The following EFCC1 variants were observed in gnomAD, a reference collection of about 807,000 sequenced individuals.
The protein encoded by EFCC1 is EF-hand and coiled-coil domain containing 1.
In EFCC1, 50 loss-of-function variants were observed where a neutral mutation model predicts 52.1. That is an observed-to-expected ratio of 0.96 (90% CI 0.76 to 1.21). The LOEUF (loss-of-function observed/expected upper bound fraction) is 1.21. Among genes scored for constraint, EFCC1 ranks in the 50% most tolerant of loss-of-function variants. The pLI, the probability that EFCC1 is intolerant of heterozygous loss-of-function variation, is 0.00. For missense variants in EFCC1, 837 were observed against 867.3 expected (o/e 0.97, Z 0.44); for synonymous variants, 399 against 396.5 (o/e 1.01, Z -0.08).
chr3:129,035,535 C>T (rs974635068), intron 5 of EFCC1, among the ~76,000 whole-genome samples: 2 of 152,194 alleles, frequency 1.3e-5, no homozygotes, highest in Non-Finnish European at 2.9e-5. Flanking sequence ...GGCCCTGGAG[C>T]GCTGCAGTAG....
intron 3 of EFCC1, among the ~76,000 whole-genome samples, chr3:129,031,404 G>A (rs545893992): frequency 6.6e-6 from 1 of 152,288 alleles, no homozygotes; most frequent in East Asian, 1.9e-4. Context: ...TTGTGCCAGT[G>A]CACTCCAGCC....
rs1945499281 is a variant in EFCC1 at position 129,014,815 on chromosome 3, A to G, written c.980+10738A>G. On this transcript the variant is annotated intron_variant, in intron 2 of 7. Transcript: ENST00000683648. This position sits in a 1 kb window ranked among gnomAD's most constrained non-coding sequence, Gnocchi z 4.3. The stretch of plus-strand genomic sequence containing the variant: ...TGTCTGCACTGCCTGCACGGGGACG[A>G]GCAGGTTGGAGCCAGCCTGGATGCC... Among the ~76,000 whole-genome samples, 1 of 152,112 alleles carries G rather than the reference A, an allele frequency of 6.6e-6. No individual in the cohort carries two copies. The highest frequency in any genetic ancestry group is 2.4e-5 in the African/African-American group (1 of 41,418).
intron 2 of EFCC1, among the ~76,000 whole-genome samples, chr3:129,015,680 G>A (rs1169830130): frequency 6.6e-6 from 1 of 152,068 alleles, no homozygotes; most frequent in Non-Finnish European, 1.5e-5. Flanking sequence ...GGGGGTTCCC[G>A]AATTCAGGTA....
intron 2 of EFCC1, among the ~76,000 whole-genome samples, chr3:129,027,683 C>A (rs149403746): frequency 6.6e-6 from 1 of 152,180 alleles, no homozygotes; most frequent in Non-Finnish European, 1.5e-5. Flanking sequence ...AGGGCGGGTG[C>A]GGTGGTCCAC....
Position 129,028,196 on chromosome 3 carries a change from G to A in EFCC1, c.981-2507G>A, listed in dbSNP as rs936931522. 4.0e-5 allele frequency among the ~76,000 whole-genome samples: 6 copies of A among 151,100 alleles called. No individual in the cohort carries two copies. In the East Asian group the frequency reaches 1.2e-3, roughly 30 times the overall value. On this transcript the variant is annotated intron_variant, in intron 2 of 7. Transcript: ENST00000683648. ...CCTCCTGGGTTCAAGCTATTCTCCC[G>A]CCACAGCCTCCTGAGTAGCTGGGAT... is the stretch of plus-strand genomic sequence containing the variant.
At chr3:129,012,943 TC>T (rs1945395001) in intron 2 of EFCC1, among the ~76,000 whole-genome samples, 1 of 152,202 alleles carries the variant, frequency 6.6e-6, no homozygotes, top group Non-Finnish European at 1.5e-5. Flanking sequence ...TGGATGGTTT[TC>T]TTTATTTAAG....
At chr3:129,022,016 G>A (rs1159059742) in intron 2 of EFCC1, among the ~76,000 whole-genome samples, 2 of 152,212 alleles carry the variant, frequency 1.3e-5, no homozygotes, top group African/African-American at 4.8e-5. Context: ...GGGCAGAGGT[G>A]GCCGGGGCAG....
rs182399105 is a variant in EFCC1 at position 129,019,475 on chromosome 3, G to A, written c.981-11228G>A. 1.1e-4 allele frequency among the ~76,000 whole-genome samples: 16 copies of A among 152,246 alleles called. No homozygotes were observed. In the East Asian group the frequency reaches 3.1e-3, roughly 29 times the overall value. On this transcript the variant is annotated intron_variant, in intron 2 of 7. Coordinates refer to ENST00000683648, the MANE Select transcript of EFCC1 (RefSeq NM_001377500.1). ...CCTTTGAGGATGTGAGACCGCAGCA[G>A]GACCCTCACTTGTATATATTTTGTG...
chr3:129,039,832 T>C lies in EFCC1; in HGVS notation c.1784T>C (p.Leu595Pro). The stretch of plus-strand genomic sequence containing the variant: ...GCAGCAGCTGCGCTCACCAACCCCC[T>C]CCTCGTCTCCTGCTGAGGTTACTGG... The part of the protein sequence containing the change: ...ASAAAALTNP[L>P]LVSC Residue 595 changes from leucine to proline, a missense_variant, in exon 8 of 8, where the codon CTC becomes CCC. Transcript: ENST00000683648. The C allele has an allele frequency of 6.2e-7, 1 of 1,607,548 alleles. No individual in the cohort carries two copies. The highest frequency in any genetic ancestry group is 8.5e-7 in the Non-Finnish European group (1 of 1,175,900).
intron 2 of EFCC1, among the ~76,000 whole-genome samples, chr3:129,005,649 GA>G: frequency 6.6e-6 from 1 of 152,350 alleles, no homozygotes; most frequent in East Asian, 1.9e-4. Flanking sequence ...CTGATCCTGA[GA>G]GGAAGGTGGT....
At chr3:129,028,651 T>TC (rs375756062) in intron 2 of EFCC1, among the ~76,000 whole-genome samples, 1 of 151,598 alleles carries the variant, frequency 6.6e-6, no homozygotes, top group Non-Finnish European at 1.5e-5. Flanking sequence ...CTTTTTTTTT[T>TC]CTTTTCTTTT....
Position 129,001,576 on chromosome 3 carries a change from C to T in EFCC1, c.-53C>T, listed in dbSNP as rs1338337127. 4.1e-5 allele frequency: 55 copies of T among 1,346,710 alleles called. No homozygotes were observed. Among genetic ancestry groups the T allele is most frequent in the South Asian group, 5.6e-5 (3 of 53,334 alleles). 83.4% of individuals were successfully genotyped at this position (1,346,710 alleles called of 1,614,324 possible). ...ACTCTGGGGCCGCCCCTGGAAGTGG[C>T]GGGGCGAAGGGACCGGAGGAGGGAC... On this transcript the variant is annotated 5_prime_UTR_variant, in exon 1 of 8. Transcript: ENST00000683648.
intron 2 of EFCC1, among the ~76,000 whole-genome samples, chr3:129,026,079 C>T (rs1336120381): frequency 6.6e-6 from 1 of 152,252 alleles, no homozygotes; most frequent in African/African-American, 2.4e-5. Context: ...GAGATAATGA[C>T]CTTACCTGTT....
chr3:129,012,121 C>T lies in EFCC1; in HGVS notation c.980+8044C>T, dbSNP rs1347195437. ...AGTCACCCTTGGCCATGACCTGCCT[C>T]ATCTGCTAACCTATGTATGTTGCAC... On this transcript the variant is annotated intron_variant, in intron 2 of 7. Coordinates refer to ENST00000683648, the MANE Select transcript of EFCC1 (RefSeq NM_001377500.1). Among the ~76,000 whole-genome samples, 4 of 152,378 alleles carry T rather than the reference C, an allele frequency of 2.6e-5. No individual in the cohort carries two copies. The East Asian group carries it at 5.8e-4, about 22-fold the overall frequency.
chr3:129,027,121 A>T (rs771846413), intron 2 of EFCC1, among the ~76,000 whole-genome samples: 9 of 151,872 alleles, frequency 5.9e-5, no homozygotes, highest in African/African-American at 9.7e-5. Flanking sequence ...GCCCTCAGGC[A>T]GTCAGCGAAA....
intron 2 of EFCC1, among the ~76,000 whole-genome samples, chr3:129,008,337 C>T (rs901550357): frequency 6.6e-6 from 1 of 152,212 alleles, no homozygotes. Flanking sequence ...CCTCCATGGG[C>T]GTTTCAGCTC....
Position 129,027,370 on chromosome 3 carries a change from C to A in EFCC1, c.981-3333C>A, listed in dbSNP as rs572672487. 1.2e-4 allele frequency among the ~76,000 whole-genome samples: 18 copies of A among 152,296 alleles called. 1 individual carries two copies. Among genetic ancestry groups the A allele is most frequent in the Admixed American group, 3.3e-4 (5 of 15,310 alleles). On this transcript the variant is annotated intron_variant, in intron 2 of 7. Transcript: ENST00000683648. Reference sequence around the variant, plus strand: ...CTGTGCGCGCTGCCGGCTGGCTCCCCTCTTGGGCTCGCGGGCCCTCCAAGT... The same window carrying A: ...CTGTGCGCGCTGCCGGCTGGCTCCCATCTTGGGCTCGCGGGCCCTCCAAGT...
rs920550381 is a variant in EFCC1, at chr3:129,039,014, TC to T, written c.1663+116del. On this transcript the variant is annotated intron_variant, in intron 7 of 7. Coordinates refer to ENST00000683648, the MANE Select transcript of EFCC1 (RefSeq NM_001377500.1). ...CTTGTCTGCAAAACAATCATGTTAT[TC>T]CTGCCCTGCATGCTTTAGAAAGCTG... 20 of 956,328 alleles carry T rather than the reference TC, an allele frequency of 2.1e-5. No individual in the cohort carries two copies. The African/African-American group carries it at 2.6e-4, about 12-fold the overall frequency. 59.2% of individuals were successfully genotyped at this position (956,328 alleles called of 1,614,324 possible).
chr3:129,012,246 G>A (rs375549134), intron 2 of EFCC1, among the ~76,000 whole-genome samples: 7 of 152,224 alleles, frequency 4.6e-5, no homozygotes, highest in African/African-American at 7.2e-5. Context: ...AGTACCTACC[G>A]CACAGGGTAA....
Sources: allele counts gnomAD v4.1 joint callset (sites outside exome capture counted in the v4.1 genomes callset), GRCh38; gene constraint gnomAD v4.1.1; non-coding constraint Gnocchi (gnomAD v3.1); transcripts MANE v1.5; gene names NCBI Gene and HGNC (gene_info 2026-07-23, HGNC 2026-07-21).